GRID2: variants seen among roughly 807,000 people sequenced by gnomAD.
The protein encoded by GRID2 is glutamate receptor ionotropic, delta-2.
GRID2 carries 33 observed loss-of-function variants against 114.8 expected under a neutral mutation model. The observed-to-expected ratio is 0.29, with a 90% CI of 0.22 to 0.38. The LOEUF (loss-of-function observed/expected upper bound fraction) is 0.38, where lower values mean the gene tolerates loss of function less well. Ranked by LOEUF, GRID2 falls within the 10% of genes least tolerant of loss-of-function variation. The pLI is 1.00. For missense variants in GRID2, 1,184 were observed against 1,257.7 expected, an observed-to-expected ratio of 0.94 and a Z score of 0.89; for synonymous variants, 505 against 449.9, an observed-to-expected ratio of 1.12 and a Z score of -1.55.
At chr4:93,069,146 C>G (rs756065916) in intron 2 of GRID2, among the ~76,000 whole-genome samples, 3 of 151,844 alleles carry the variant, frequency 2.0e-5, no homozygotes, top group Non-Finnish European at 4.4e-5. Context: ...TCACCTCTCA[C>G]AAGACACCAC....
At chr4:93,563,313 T>C (rs773038457) in intron 13 of GRID2, among the ~76,000 whole-genome samples, 1 of 151,976 alleles carries the variant, frequency 6.6e-6, no homozygotes, top group Non-Finnish European at 1.5e-5. Flanking sequence ...CTCTAAATGG[T>C]GTATATCTTG....
At chr4:92,338,087 C>G (rs190222713) in intron 1 of GRID2, among the ~76,000 whole-genome samples, 1 of 152,178 alleles carries the variant, frequency 6.6e-6, no homozygotes, top group Admixed American at 6.6e-5. Context: ...AGAGATTTTT[C>G]TTAAGTATTA....
intron 8 of GRID2, among the ~76,000 whole-genome samples, chr4:93,284,152 C>T (rs116777975): frequency 2.0e-5 from 3 of 152,054 alleles, no homozygotes; most frequent in Non-Finnish European, 4.4e-5. Context: ...CTTCAATTTA[C>T]AGCCCTAATA....
At chr4:92,475,525 G>A (rs1722263639) in intron 1 of GRID2, among the ~76,000 whole-genome samples, 2 of 151,724 alleles carry the variant, frequency 1.3e-5, no homozygotes, top group African/African-American at 4.8e-5. Context: ...TGTTCTGTTA[G>A]CACATGTATC....
intron 4 of GRID2, among the ~76,000 whole-genome samples, chr4:93,114,689 C>T (rs1733073542): frequency 6.6e-6 from 1 of 152,120 alleles, no homozygotes; most frequent in Non-Finnish European, 1.5e-5. Flanking sequence ...ATCCCACCTC[C>T]TCGATGGGTT....
intron 2 of GRID2, among the ~76,000 whole-genome samples, chr4:92,599,736 T>C (rs900996790): frequency 3.3e-5 from 5 of 151,924 alleles, no homozygotes; most frequent in Non-Finnish European, 7.4e-5. Context: ...ATAAAAAATA[T>C]ATATTCCAGG....
At chr4:92,954,242 T>TATAC (rs1316156957) in intron 2 of GRID2, among the ~76,000 whole-genome samples, 146 of 152,102 alleles carry the variant, frequency 9.6e-4, no homozygotes, top group African/African-American at 3.4e-3. Flanking sequence ...CACATATATA[T>TATAC]ATACAAACAC....
chr4:93,063,013 T>C (rs150534157), intron 2 of GRID2, among the ~76,000 whole-genome samples: 131 of 152,020 alleles, frequency 8.6e-4, no homozygotes, highest in South Asian at 5.0e-3. Flanking sequence ...AGCAAACTTA[T>C]TTTAGTGAGG....
intron 2 of GRID2, among the ~76,000 whole-genome samples, chr4:93,059,865 G>A (rs910614169): frequency 4.0e-5 from 6 of 150,930 alleles, no homozygotes; most frequent in Non-Finnish European, 8.8e-5. Context: ...CTTATTACTG[G>A]ATAAAACAAG....
At chr4:93,385,394 A>T (rs1460455609) in intron 8 of GRID2, among the ~76,000 whole-genome samples, 1 of 152,196 alleles carries the variant, frequency 6.6e-6, no homozygotes, top group East Asian at 1.9e-4. Flanking sequence ...AGACTAACTG[A>T]TTTATTCCTC....
At chr4:92,948,884 A>G (rs1174623103) in intron 2 of GRID2, among the ~76,000 whole-genome samples, 1 of 152,064 alleles carries the variant, frequency 6.6e-6, no homozygotes, top group Non-Finnish European at 1.5e-5. Flanking sequence ...TATCATTTGT[A>G]AAGTGAGTGA....
chr4:93,358,196 G>T (rs1456998965), intron 8 of GRID2, among the ~76,000 whole-genome samples: 1 of 151,674 alleles, frequency 6.6e-6, no homozygotes, highest in African/African-American at 2.4e-5. Flanking sequence ...TCCTCAGTAA[G>T]AAATTATGTC....
At chr4:93,768,851 A>G (rs1302888529) in intron 14 of GRID2, among the ~76,000 whole-genome samples, 1 of 152,224 alleles carries the variant, frequency 6.6e-6, no homozygotes, top group Non-Finnish European at 1.5e-5. Flanking sequence ...TTGAAAGCAT[A>G]TAAAAACAGT....
At chr4:93,320,040 A>G (rs1757052166) in intron 8 of GRID2, among the ~76,000 whole-genome samples, 1 of 152,104 alleles carries the variant, frequency 6.6e-6, no homozygotes, top group South Asian at 2.1e-4. Flanking sequence ...AAAATCTAAT[A>G]TAACTATCTA....
chr4:92,861,963 CTATAT>C (rs906575071), intron 2 of GRID2, among the ~76,000 whole-genome samples: 11 of 152,112 alleles, frequency 7.2e-5, no homozygotes, highest in African/African-American at 2.4e-4. Flanking sequence ...CTGACGCCCA[CTATAT>C]TATAAGACCC....
intron 5 of GRID2, among the ~76,000 whole-genome samples, chr4:93,213,076 T>C (rs1743749546): frequency 6.6e-6 from 1 of 152,008 alleles, no homozygotes; most frequent in Admixed American, 6.6e-5. Flanking sequence ...CCTGGCCAGT[T>C]TGGGGGGTTT....
At chr4:92,842,623 C>T (rs1430218844) in intron 2 of GRID2, among the ~76,000 whole-genome samples, 3 of 151,944 alleles carry the variant, frequency 2.0e-5, no homozygotes, top group African/African-American at 7.3e-5. Flanking sequence ...TTGGCAGGTG[C>T]TGAGAAATAG....
intron 13 of GRID2, among the ~76,000 whole-genome samples, chr4:93,589,035 TTTTTTTA>T (rs1404025123): frequency 6.6e-6 from 1 of 151,882 alleles, no homozygotes; most frequent in Non-Finnish European, 1.5e-5. Context: ...CCCCTGCTTT[TTTTTTTA>T]TTATTTATTT....
At chr4:92,616,144 G>GA (rs1328530586) in intron 2 of GRID2, among the ~76,000 whole-genome samples, 1 of 151,568 alleles carries the variant, frequency 6.6e-6, no homozygotes, top group Non-Finnish European at 1.5e-5. Flanking sequence ...TGCTGCTGTA[G>GA]TGTTTATTGG....
Sources: gnomAD v4.1 joint callset for allele counts (sites outside exome capture counted in the v4.1 genomes callset) on GRCh38, gnomAD v4.1.1 for gene constraint, MANE v1.5 for transcripts, NCBI Gene and HGNC (gene_info 2026-07-23, HGNC 2026-07-21) for gene names.